Variants in PCDH9 observed in about 807,000 individuals in gnomAD.
PCDH9 encodes the protein protocadherin-9.
In PCDH9, 24 loss-of-function variants were observed where a neutral mutation model predicts 70.6. The observed-to-expected ratio is 0.34, with a 90% CI of 0.25 to 0.48. The LOEUF (loss-of-function observed/expected upper bound fraction) is 0.48. Among genes scored for constraint, PCDH9 ranks in the 20% least tolerant of loss-of-function variants. The probability of loss-of-function intolerance (pLI) is 0.99; values close to 1 mark genes in which losing one functional copy is unlikely to be tolerated. For synonymous variants in PCDH9, 562 were observed against 558.5 expected (o/e 1.01, Z -0.09); for missense variants, 1,281 against 1,503.6 (o/e 0.85, Z 2.45).
At chr13:66,693,749 A>ATATATT (rs1299324984) in intron 3 of PCDH9, among the ~76,000 whole-genome samples, 3 of 152,234 alleles carry the variant, frequency 2.0e-5, no homozygotes, top group Non-Finnish European at 4.4e-5. Context: ...GTAAAGACAA[A>ATATATT]TATATTATTA....
intron 2 of PCDH9, among the ~76,000 whole-genome samples, chr13:67,169,161 G>T (rs2088207577): frequency 6.6e-6 from 1 of 152,170 alleles, no homozygotes; most frequent in Non-Finnish European, 1.5e-5. Context: ...GGAAACCACA[G>T]TTATATTTGT....
intron 3 of PCDH9, among the ~76,000 whole-genome samples, chr13:66,842,572 T>A (rs1392955485): frequency 6.6e-6 from 1 of 152,196 alleles, no homozygotes; most frequent in Non-Finnish European, 1.5e-5. Flanking sequence ...ATTATAGAAA[T>A]AGGGACATTT....
intron 4 of PCDH9, among the ~76,000 whole-genome samples, chr13:66,564,905 G>C (rs969593072): frequency 6.7e-6 from 1 of 149,238 alleles, no homozygotes; most frequent in African/African-American, 2.5e-5. Flanking sequence ...GGATTTCTTT[G>C]TCCATAAATC....
intron 3 of PCDH9, among the ~76,000 whole-genome samples, chr13:66,676,934 T>C (rs9571620): frequency 0.29 from 44,571 of 152,012 alleles, 7,902 homozygotes; most frequent in East Asian, 0.56. Flanking sequence ...TATTATAAAA[T>C]TTTAAATATC....
At chr13:66,577,758 G>A (rs2076835142) in intron 4 of PCDH9, among the ~76,000 whole-genome samples, 1 of 151,930 alleles carries the variant, frequency 6.6e-6, no homozygotes, top group South Asian at 2.1e-4. Flanking sequence ...GGTTAAAAGA[G>A]GGTTTTCAGA....
chr13:66,837,427 T>A (rs1052044705), intron 3 of PCDH9, among the ~76,000 whole-genome samples: 4 of 152,088 alleles, frequency 2.6e-5, no homozygotes, highest in Non-Finnish European at 4.4e-5. Flanking sequence ...GGCAAAAACA[T>A]ACGGTGGAGC....
At chr13:66,316,178 T>C (rs9540711) in intron 4 of PCDH9, among the ~76,000 whole-genome samples, 113,749 of 152,008 alleles carry the variant, frequency 0.75, 42,782 homozygotes, top group Non-Finnish European at 0.79. Flanking sequence ...CTTACTGGGA[T>C]CACTTTGATT....
chr13:66,643,499 C>A (rs953679322), intron 3 of PCDH9, among the ~76,000 whole-genome samples: 12 of 152,012 alleles, frequency 7.9e-5, no homozygotes, highest in Non-Finnish European at 7.4e-5. Context: ...CCGCTACTTG[C>A]CCTATGGCTT....
intron 3 of PCDH9, among the ~76,000 whole-genome samples, chr13:66,794,977 G>GCACACA (rs71107002): frequency 0.14 from 21,239 of 147,094 alleles, 1,605 homozygotes; most frequent in Middle Eastern, 0.2. Flanking sequence ...ACACACACAG[G>GCACACA]CACACACACA....
intron 4 of PCDH9, among the ~76,000 whole-genome samples, chr13:66,489,699 A>G (rs1959002394): frequency 6.6e-6 from 1 of 152,146 alleles, no homozygotes; most frequent in Non-Finnish European, 1.5e-5. Flanking sequence ...AGAAATTTCC[A>G]TCTGTATATG....
In PCDH9 at chr13:66,652,871, G is replaced by T. The variant is rs561453278; in HGVS notation, c.3139-21460C>A. Among the ~76,000 whole-genome samples the T allele has an allele frequency of 4.6e-5, 7 of 152,100 alleles. 2 individuals carry two copies. The South Asian group carries it at 1.5e-3, about 32-fold the overall frequency. ...CACAGTGAACTCATTTTTGACAAAG[G>T]TATCAAGAACATACATTGAGGGAAA... On this transcript the variant is annotated intron_variant, in intron 3 of 4. Transcript: ENST00000377865.
At chr13:66,612,869 C>T (rs1169327747) in intron 4 of PCDH9, among the ~76,000 whole-genome samples, 4 of 152,034 alleles carry the variant, frequency 2.6e-5, no homozygotes, top group African/African-American at 9.7e-5. Context: ...GTGTTACTCA[C>T]CATTAAAATT....
intron 4 of PCDH9, among the ~76,000 whole-genome samples, chr13:66,475,363 C>T (rs993753622): frequency 6.6e-6 from 1 of 152,014 alleles, no homozygotes; most frequent in Non-Finnish European, 1.5e-5. Flanking sequence ...AATGTGTTTC[C>T]TTATAAGGAC....
chr13:66,899,362 T>C (rs996014068), intron 3 of PCDH9, among the ~76,000 whole-genome samples: 2 of 152,056 alleles, frequency 1.3e-5, no homozygotes, highest in Admixed American at 6.6e-5. Flanking sequence ...AATTCACAGT[T>C]AGTTTAAAAC....
intron 3 of PCDH9, among the ~76,000 whole-genome samples, chr13:66,648,314 G>T (rs1333349611): frequency 6.6e-6 from 1 of 152,168 alleles, no homozygotes; most frequent in Non-Finnish European, 1.5e-5. Flanking sequence ...GTGGCCACAG[G>T]AGTGCTTGAG....
chr13:66,529,194 T>C (rs1157144206), intron 4 of PCDH9, among the ~76,000 whole-genome samples: 1 of 152,078 alleles, frequency 6.6e-6, no homozygotes, highest in Non-Finnish European at 1.5e-5. Context: ...GACAAATCAG[T>C]GTCAGATTTC....
At chr13:66,868,254 T>C (rs901351218) in intron 3 of PCDH9, among the ~76,000 whole-genome samples, 1 of 151,986 alleles carries the variant, frequency 6.6e-6, no homozygotes, top group Non-Finnish European at 1.5e-5. Flanking sequence ...CTGGGCAAAT[T>C]AGGTAATTTT....
At chr13:66,811,520 G>A (rs1433871997) in intron 3 of PCDH9, among the ~76,000 whole-genome samples, 2 of 151,998 alleles carry the variant, frequency 1.3e-5, no homozygotes, top group Non-Finnish European at 2.9e-5. Context: ...GTTGCTACTT[G>A]GAAAAAGTTT....
chr13:67,211,324 T>A (rs776881801), intron 2 of PCDH9: 1 of 152,042 alleles, frequency 6.6e-6, no homozygotes, highest in Non-Finnish European at 1.5e-5. Context: ...AAGATCCTTT[T>A]AGATTTAGGC....
Sources: allele counts gnomAD v4.1 joint callset (sites outside exome capture counted in the v4.1 genomes callset), GRCh38; gene constraint gnomAD v4.1.1; transcripts MANE v1.5; gene names NCBI Gene and HGNC (gene_info 2026-07-23, HGNC 2026-07-21).